Variants in HEG1 observed in about 807,000 individuals in gnomAD.
The protein encoded by HEG1 is protein HEG homolog 1.
HEG1 carries 56 observed loss-of-function variants against 125.6 expected under a neutral mutation model. The ratio of observed to expected loss-of-function variants is 0.45; its 90% confidence interval spans 0.36 to 0.56. The LOEUF (loss-of-function observed/expected upper bound fraction) is 0.56. Ranked by LOEUF, HEG1 falls within the 20% of genes least tolerant of loss-of-function variation. The pLI, the probability that HEG1 is intolerant of heterozygous loss-of-function variation, is 0.00. For missense variants in HEG1, 1,523 were observed against 1,670.0 expected, an observed-to-expected ratio of 0.91 and a Z score of 1.53; for synonymous variants, 644 against 668.5, an observed-to-expected ratio of 0.96 and a Z score of 0.57.
At chr3:124,987,646 G>C (rs1181255753) in intron 14 of HEG1, among the ~76,000 whole-genome samples, 2 of 148,100 alleles carry the variant, frequency 1.4e-5, no homozygotes, top group Admixed American at 6.9e-5. Context: ...TCAGCCTCCT[G>C]AGTAGCTGGA....
chr3:124,970,722 G>C lies in HEG1; in HGVS notation c.4076C>G (p.Ser1359Cys). The change falls in exon 17 of 17, where the codon TCT becomes TGT. Residue 1359 changes from serine to cysteine, a missense_variant. Ser to Cys is a moderately radical substitution (Grantham distance 112). Coordinates refer to ENST00000311127, the MANE Select transcript of HEG1 (RefSeq NM_020733.2). ...AYTGLPGSRH[S>C]CIFPGQYNPS... ...GTTATACTGTCCGGGGAAAATGCAA[G>C]AATGCCGTGATCCTGGCAGTCCAGT... 6.2e-7 allele frequency: 1 copy of C among 1,609,946 alleles called. No individual in the cohort carries two copies. The highest frequency in any genetic ancestry group is 1.1e-5 in the South Asian group (1 of 89,776).
In HEG1 at chr3:125,055,718, CGCTCCAGCTGCA is replaced by C; in HGVS notation, c.161_172del (p.Leu54_Glu57del). 6 of 1,058,996 alleles carry C rather than the reference CGCTCCAGCTGCA, an allele frequency of 5.7e-6. No homozygotes were observed. The highest frequency in any genetic ancestry group is 6.8e-6 in the Non-Finnish European group (6 of 879,558). The allele number at this position is 1,058,996 out of a possible 1,614,324, so 65.6% of individuals were successfully genotyped here. On this transcript the variant is annotated inframe_deletion, in exon 1 of 17. Transcript: ENST00000311127. ...GGGCGGCGGCTCGCGCTCCGGGCGGCGCTCCAGCTGCAGCTCCAGCCCCGCTCCCGCGAGGGG... is the reference window on the plus strand; with the variant it reads ...GGGCGGCGGCTCGCGCTCCGGGCGGCGCTCCAGCCCCGCTCCCGCGAGGGG...
intron 5 of HEG1, among the ~76,000 whole-genome samples, chr3:125,016,986 C>A (rs528721037): frequency 2.0e-5 from 3 of 152,010 alleles, no homozygotes; most frequent in East Asian, 3.9e-4. Flanking sequence ...AGAGAAAAGA[C>A]AACCCACAGA....
intron 1 of HEG1, among the ~76,000 whole-genome samples, chr3:125,041,554 A>C (rs78695111): frequency 0.031 from 4,755 of 152,280 alleles, 215 homozygotes; most frequent in African/African-American, 0.1. Context: ...GGTTCCTCAA[A>C]ACCTTAAGAG....
intron 11 of HEG1, 39 bp downstream of exon 11, chr3:125,001,813 C>G: frequency 6.3e-7 from 1 of 1,596,316 alleles, no homozygotes; most frequent in Non-Finnish European, 8.5e-7. Context: ...CTGTGCCTAA[C>G]TATATGGGTA....
chr3:125,040,006 T>G (rs899095301), intron 1 of HEG1, among the ~76,000 whole-genome samples: 7 of 152,324 alleles, frequency 4.6e-5, no homozygotes, highest in Admixed American at 3.9e-4. Context: ...CATTATTAGC[T>G]GGAAGACTGA....
chr3:125,012,552 C>T (rs867198995), intron 6 of HEG1, 71 bp downstream of exon 6: 23 of 1,422,994 alleles, frequency 1.6e-5, no homozygotes, highest in East Asian at 7.3e-5. Flanking sequence ...ACATGAACCC[C>T]GAGCCCCATG....
At chr3:124,984,241 C>T (rs906241409) in intron 14 of HEG1, among the ~76,000 whole-genome samples, 9 of 152,174 alleles carry the variant, frequency 5.9e-5, no homozygotes, top group Admixed American at 5.9e-4. Context: ...GGGAAGAGGG[C>T]TGTCAGTGGG....
intron 1 of HEG1, among the ~76,000 whole-genome samples, chr3:125,040,185 G>A (rs1161659146): frequency 6.6e-6 from 1 of 152,348 alleles, no homozygotes; most frequent in African/African-American, 2.4e-5. Context: ...AAGGGAAAAT[G>A]TCTGGCAGAC....
intron 3 of HEG1, 59 bp downstream of exon 3, chr3:125,027,146 A>G: frequency 7.0e-7 from 1 of 1,434,672 alleles, no homozygotes; most frequent in Non-Finnish European, 9.3e-7. Flanking sequence ...GGCTATGCAC[A>G]TTGATTTATG....
chr3:125,039,279 C>G (rs950648944), intron 1 of HEG1, among the ~76,000 whole-genome samples: 5 of 152,116 alleles, frequency 3.3e-5, no homozygotes, highest in Admixed American at 3.3e-4. Context: ...TAGCACAGCC[C>G]AAGAATAGGA....
At chr3:125,033,884 T>C (rs1263611685) in intron 1 of HEG1, among the ~76,000 whole-genome samples, 1 of 152,136 alleles carries the variant, frequency 6.6e-6, no homozygotes, top group Admixed American at 6.5e-5. Flanking sequence ...GTGCGAAAGA[T>C]CTAGGTTGCA....
At chr3:124,998,753 G>A (rs1936960439) in intron 11 of HEG1, among the ~76,000 whole-genome samples, 1 of 152,258 alleles carries the variant, frequency 6.6e-6, no homozygotes, top group Non-Finnish European at 1.5e-5. Flanking sequence ...TAGGCCTCCT[G>A]TGTATATGGG....
intron 1 of HEG1, among the ~76,000 whole-genome samples, chr3:125,031,297 T>TA (rs1428912822): frequency 6.6e-6 from 1 of 152,050 alleles, no homozygotes; most frequent in African/African-American, 2.4e-5. Context: ...GCCAGGCCCC[T>TA]AAAAAATAGT....
At chr3:125,051,530 T>C (rs1937805975) in intron 1 of HEG1, among the ~76,000 whole-genome samples, 1 of 152,200 alleles carries the variant, frequency 6.6e-6, no homozygotes, top group South Asian at 2.1e-4. Flanking sequence ...TCCAGAACTG[T>C]AAAAGGCAAA....
At position 125,031,708 on chromosome 3, in the gene HEG1, C is replaced by A. The variant is rs571654213; in HGVS notation, c.317-2220G>T. Among the ~76,000 whole-genome samples, 21 of 150,096 alleles carry A rather than the reference C, an allele frequency of 1.4e-4. No homozygotes were observed. The South Asian group carries it at 2.6e-3, about 18-fold the overall frequency. The stretch of plus-strand genomic sequence containing the variant: ...ACACACACACACCCACATATACCCC[C>A]CACACACACACATACACACACAGGC... On this transcript the variant is annotated intron_variant, in intron 1 of 16. Transcript: ENST00000311127.
chr3:124,996,154 G>A (rs1936919464), intron 12 of HEG1, among the ~76,000 whole-genome samples: 1 of 151,330 alleles, frequency 6.6e-6, no homozygotes, highest in Non-Finnish European at 1.5e-5. Context: ...GTGTGATTTC[G>A]GCTCACTGCA....
At chr3:124,985,300 T>G (rs555869994) in intron 14 of HEG1, among the ~76,000 whole-genome samples, 19 of 152,350 alleles carry the variant, frequency 1.2e-4, no homozygotes, top group African/African-American at 4.3e-4. Context: ...TGAGACTGTT[T>G]ACTCTCCTCT....
chr3:125,026,779 C>T (rs1937421654), intron 3 of HEG1, among the ~76,000 whole-genome samples: 1 of 152,090 alleles, frequency 6.6e-6, no homozygotes, highest in South Asian at 2.1e-4. Context: ...GTGAGTGGAT[C>T]GCCTGAGGTC....
Sources: allele counts gnomAD v4.1 joint callset (sites outside exome capture counted in the v4.1 genomes callset), GRCh38; gene constraint gnomAD v4.1.1; transcripts MANE v1.5; gene names NCBI Gene and HGNC (gene_info 2026-07-23, HGNC 2026-07-21).